The following DCTN4 variants were observed in gnomAD, a reference collection of about 807,000 sequenced individuals.
The protein encoded by DCTN4 is dynactin 4 (p62).
Under a neutral mutation model 62.7 loss-of-function variants are expected in DCTN4, and 23 were observed. The observed-to-expected ratio is 0.37, with a 90% CI of 0.26 to 0.52. The LOEUF (loss-of-function observed/expected upper bound fraction) is 0.52. Among genes scored for constraint, DCTN4 ranks in the 20% least tolerant of loss-of-function variants. The probability of loss-of-function intolerance (pLI) is 0.92; values close to 1 mark genes in which losing one functional copy is unlikely to be tolerated. For synonymous variants in DCTN4, 199 were observed against 202.1 expected, an observed-to-expected ratio of 0.98 and a Z score of 0.13; for missense variants, 514 against 580.4, an observed-to-expected ratio of 0.89 and a Z score of 1.18.
rs555288522 is a variant in DCTN4 at position 150,724,610 on chromosome 5, T to C, written c.835-1630A>G. 9.8e-5 allele frequency among the ~76,000 whole-genome samples: 15 copies of C among 152,354 alleles called. No homozygotes were observed. The South Asian group carries it at 3.1e-3, about 32-fold the overall frequency. On this transcript the variant is annotated intron_variant, in intron 8 of 12. Transcript: ENST00000447998. ...CCAATGTTCCTGAAATTAACTTCTATGTAGGGTGAGGTAGCAACCCAATTT... is the reference window on the plus strand; with the variant it reads ...CCAATGTTCCTGAAATTAACTTCTACGTAGGGTGAGGTAGCAACCCAATTT...
chr5:150,729,149 C>A (rs769176179), intron 8 of DCTN4, among the ~76,000 whole-genome samples: 2 of 145,872 alleles, frequency 1.4e-5, no homozygotes, highest in Non-Finnish European at 3.0e-5. Flanking sequence ...CCTGCCTTGG[C>A]CTCTCAAAGT....
intron 9 of DCTN4, 64 bp downstream of exon 9, chr5:150,722,843 G>C: frequency 8.0e-7 from 1 of 1,250,296 alleles, no homozygotes; most frequent in Non-Finnish European, 1.1e-6. Context: ...TTCATACTGG[G>C]GAAGAAGAAT....
At chr5:150,757,989 G>T in intron 1 of DCTN4, 1 of 824,626 alleles carries the variant, frequency 1.2e-6, no homozygotes, top group Non-Finnish European at 1.5e-6. Context: ...CACTTAAATT[G>T]GTTTGAAGAT....
intron 8 of DCTN4, among the ~76,000 whole-genome samples, chr5:150,726,811 CAGA>C (rs1178556974): frequency 6.6e-6 from 1 of 152,138 alleles, no homozygotes; most frequent in Admixed American, 6.5e-5. Flanking sequence ...TAAACTTAAG[CAGA>C]AGAACAGCTG....
chr5:150,731,542 T>C, intron 5 of DCTN4, 53 bp from the exon 6 acceptor site: 1 of 1,430,848 alleles, frequency 7.0e-7, no homozygotes, highest in Non-Finnish European at 9.7e-7. Flanking sequence ...CACACCCTAT[T>C]TATCAAAAGA....
At chr5:150,751,469 T>A (rs571185363) in intron 3 of DCTN4, among the ~76,000 whole-genome samples, 2 of 152,242 alleles carry the variant, frequency 1.3e-5, no homozygotes, top group South Asian at 4.1e-4. Context: ...TTCCGGGCTG[T>A]TTCTTTTACT....
rs1307314361 is a variant in DCTN4 at position 150,715,670 on chromosome 5, G to A, written c.1072-8C>T. On this transcript the variant is annotated splice_polypyrimidine_tract_variant and splice_region_variant and intron_variant, in intron 11 of 12. Coordinates refer to ENST00000447998, the MANE Select transcript of DCTN4 (RefSeq NM_016221.4). The stretch of plus-strand genomic sequence containing the variant: ...TTTGGGAGGCACCACCACCTGGAGA[G>A]CAACACAGAGAGGCCTGCCTGAGAA... The A allele has an allele frequency of 5.6e-6, 9 of 1,612,924 alleles. No individual in the cohort carries two copies. Among genetic ancestry groups the A allele is most frequent in the South Asian group, 2.2e-5 (2 of 91,068 alleles).
chr5:150,721,057 T>C (rs1215585930), intron 9 of DCTN4, among the ~76,000 whole-genome samples: 11 of 152,174 alleles, frequency 7.2e-5, no homozygotes, highest in Admixed American at 6.5e-4. Flanking sequence ...TTTGATTCTT[T>C]TCAAGAATCC....
At position 150,710,772 on chromosome 5, in the gene DCTN4, G is replaced by T; in HGVS notation, c.*377C>A. On this transcript the variant is annotated 3_prime_UTR_variant, in exon 13 of 13. Coordinates refer to ENST00000447998, the MANE Select transcript of DCTN4 (RefSeq NM_016221.4). ...GGTCTACCTTTGGGTTATCATTTAA[G>T]TTTCATCTGTGACATTGTGATCCTT... The T allele has an allele frequency of 4.4e-6, 1 of 226,492 alleles. No homozygotes were observed. Among genetic ancestry groups the T allele is most frequent in the South Asian group, 7.9e-5 (1 of 12,692 alleles). 14.0% of individuals were successfully genotyped at this position (226,492 alleles called of 1,614,324 possible). A position where few individuals can be genotyped will look rare whatever the true frequency, so the allele number is the denominator to read the frequency against.
chr5:150,731,129 C>T lies in DCTN4; in HGVS notation c.639G>A (p.Glu213=), dbSNP rs1410099866. The T allele has an allele frequency of 6.2e-7, 1 of 1,612,372 alleles. No homozygotes were observed. Among genetic ancestry groups the T allele is most frequent in the Non-Finnish European group, 8.5e-7 (1 of 1,178,554 alleles). The change falls in exon 7 of 13, where the codon GAG becomes GAA. Residue 213 remains glutamate (E), a synonymous_variant. Coordinates refer to ENST00000447998, the MANE Select transcript of DCTN4 (RefSeq NM_016221.4). ...CAGCCTGAGCTGGCTCAATCTTTAT[C>T]TCTTTCTGATCCTCTCCTTCTTTAA... is the stretch of plus-strand genomic sequence containing the variant. ...LSLKEGEDQK[E]IKIEPAQAVD...
chr5:150,752,167 TA>T (rs1752700133), intron 3 of DCTN4, among the ~76,000 whole-genome samples: 1 of 152,202 alleles, frequency 6.6e-6, no homozygotes, highest in Admixed American at 6.5e-5. Flanking sequence ...AAGATTTTAT[TA>T]ATTTTTTTTA....
At chr5:150,722,800 ATT>A (rs57924121) in intron 9 of DCTN4, 105 bp downstream of exon 9, 1,281 of 577,308 alleles carry the variant, frequency 2.2e-3, no homozygotes, top group South Asian at 2.8e-3. Flanking sequence ...TTTTGATGTA[ATT>A]TTTTTTTTTT....
chr5:150,731,513 A>T (rs745436800), intron 5 of DCTN4, 24 bp from the exon 6 acceptor site: 1 of 1,600,680 alleles, frequency 6.2e-7, no homozygotes, highest in Non-Finnish European at 8.5e-7. Flanking sequence ...AGAAATTCCT[A>T]TTAGAAAGTC....
intron 4 of DCTN4, among the ~76,000 whole-genome samples, chr5:150,735,331 G>A (rs1760537235): frequency 1.3e-5 from 2 of 152,212 alleles, no homozygotes; most frequent in African/African-American, 2.4e-5. Flanking sequence ...CTGTCCACGT[G>A]ACAATTCACT....
chr5:150,758,400 G>A (rs1451041899), intron 1 of DCTN4: 16 of 990,376 alleles, frequency 1.6e-5, no homozygotes, highest in East Asian at 1.1e-4. Flanking sequence ...AACAGGGCAA[G>A]GCAGTCTGAC....
chr5:150,729,628 G>C (rs1419144092), intron 8 of DCTN4, among the ~76,000 whole-genome samples: 4 of 130,852 alleles, frequency 3.1e-5, no homozygotes, highest in African/African-American at 1.1e-4. Flanking sequence ...TTTTTTTTAA[G>C]AGACAGGGTC....
At chr5:150,721,025 C>G (rs2113016692) in intron 9 of DCTN4, among the ~76,000 whole-genome samples, 1 of 152,236 alleles carries the variant, frequency 6.6e-6, no homozygotes, top group Non-Finnish European at 1.5e-5. Context: ...AGTTACAAGG[C>G]ATTTGCAAAC....
chr5:150,719,005 A>C (rs139878628), intron 10 of DCTN4, among the ~76,000 whole-genome samples: 11,621 of 152,020 alleles, frequency 0.076, 735 homozygotes, highest in East Asian at 0.25. Flanking sequence ...TTTTTTGTAG[A>C]GATGGGGTTT....
In DCTN4 at chr5:150,709,547, T is replaced by C. The variant is rs980057046; in HGVS notation, c.*1602A>G. 12 of 152,252 alleles carry C rather than the reference T, an allele frequency of 7.9e-5. No homozygotes were observed. Among genetic ancestry groups the C allele is most frequent in the African/African-American group, 2.7e-4 (11 of 41,336 alleles). The allele number at this position is 152,252 out of a possible 1,614,324, so 9.4% of individuals were successfully genotyped here. ...TTACCCATCCCCCTGCTCCAACTCC[T>C]AAGAGGCTAAATGTTATTACCATAA... is the stretch of plus-strand genomic sequence containing the variant. On this transcript the variant is annotated 3_prime_UTR_variant, in exon 13 of 13. Transcript: ENST00000447998.
Sources: allele counts gnomAD v4.1 joint callset (sites outside exome capture counted in the v4.1 genomes callset), GRCh38; gene constraint gnomAD v4.1.1; transcripts MANE v1.5; gene names NCBI Gene and HGNC (gene_info 2026-07-23, HGNC 2026-07-21).